Variants in LTBP4 observed in about 807,000 individuals in gnomAD.
LTBP4 encodes latent-transforming growth factor beta-binding protein 4.
A neutral mutation model predicts 180.2 loss-of-function variants in LTBP4; 93 were observed. The ratio of observed to expected loss-of-function variants is 0.52; its 90% CI spans 0.44 to 0.61. LTBP4 has a LOEUF of 0.61. Among genes scored for constraint, LTBP4 ranks in the 20% least tolerant of loss-of-function variants. The probability of loss-of-function intolerance (pLI) is 0.00; values close to 1 mark genes in which losing one functional copy is unlikely to be tolerated. For synonymous variants in LTBP4, 947 were observed against 934.5 expected, an observed-to-expected ratio of 1.01 and a Z score of -0.24; for missense variants, 2,116 against 2,256.5, an observed-to-expected ratio of 0.94 and a Z score of 1.26.
intron 1 of LTBP4, 84 bp downstream of exon 1, chr19:40,601,721 G>C (rs1317776915): frequency 1.9e-6 from 2 of 1,067,458 alleles, no homozygotes; most frequent in Non-Finnish European, 2.5e-6. Context: ...CCTCCAGGGA[G>C]AGGGAGCCCA....
chr19:40,607,279 C>CCCAAACAA, intron 6 of LTBP4, 86 bp from the exon 7 acceptor site: 2 of 1,126,368 alleles, frequency 1.8e-6, no homozygotes. Context: ...CCCCCAACCC[C>CCCAAACAA]AGAACCATTC....
At chr19:40,619,255 CATT>C in intron 21 of LTBP4, 89 bp from the exon 22 acceptor site, 1 of 1,297,216 alleles carries the variant, frequency 7.7e-7, no homozygotes. Flanking sequence ...TAAATATACA[CATT>C]ATATTTGAAA....
chr19:40,603,902 T>C (rs780302447), intron 1 of LTBP4, among the ~76,000 whole-genome samples: 1 of 152,180 alleles, frequency 6.6e-6, no homozygotes, highest in Non-Finnish European at 1.5e-5. Flanking sequence ...CCTCTCTCTT[T>C]GTTTACCCCG....
rs758082743 is a variant in LTBP4, at chr19:40,624,005, A to C, written c.3755A>C (p.Tyr1252Ser). The C allele has an allele frequency of 6.2e-7, 1 of 1,612,624 alleles. No homozygotes were observed. The highest frequency in any genetic ancestry group is 8.5e-7 in the Non-Finnish European group (1 of 1,179,354). ...GGRCVNTVGS[Y>S]HCTCEPPLVL... Reference sequence around the variant, plus strand: ...CGCTGTGTCAACACTGTGGGCTCTTATCACTGTACCTGCGAGCCCCCACTG... The same window carrying C: ...CGCTGTGTCAACACTGTGGGCTCTTCTCACTGTACCTGCGAGCCCCCACTG... Residue 1252 changes from tyrosine (Y) to serine (S), a missense_variant, in exon 26 of 30, where the codon TAT (tyrosine) becomes TCT (serine). Physicochemically the swap from Tyr to Ser is moderately radical, Grantham distance 144. This residue lies in a region of LTBP4 where 488 missense variants were observed against 458.8 expected (regional missense o/e 1.06). Transcript: ENST00000396819.
chr19:40,627,455 G>A, intron 28 of LTBP4, 100 bp downstream of exon 28: 1 of 1,393,110 alleles, frequency 7.2e-7, no homozygotes, highest in Non-Finnish European at 9.4e-7. Context: ...ACGGAACACA[G>A]GTGCAACTGG....
chr19:40,598,146 C>T (rs1043269975), upstream of LTBP4, among the ~76,000 whole-genome samples: 18 of 151,254 alleles, frequency 1.2e-4, no homozygotes, highest in Admixed American at 5.9e-4. Flanking sequence ...CGGCCCAGCG[C>T]TCCGTTACAA....
In LTBP4 at chr19:40,611,328, G is replaced by A. The variant is rs974982373; in HGVS notation, c.1987G>A (p.Ala663Thr). Reference sequence around the variant, plus strand: ...TGGGCCCGGCCGCTGTGACAACACGGCAGGCTCCTTTCACTGTGCCTGCCC... The same window carrying A: ...TGGGCCCGGCCGCTGTGACAACACGACAGGCTCCTTTCACTGTGCCTGCCC... ...PCGPGRCDNTAGSFHCACPAG... is the reference protein window; with the variant it reads ...PCGPGRCDNTTGSFHCACPAG... The change falls in exon 13 of 30, where the codon GCA (alanine) becomes ACA (threonine). Residue 663 changes from alanine (A) to threonine (T), a missense_variant. By Grantham distance (58) the Ala-to-Thr change is moderately conservative (BLOSUM62 0). Around this residue, in one of 5 missense-constraint regions of LTBP4, gnomAD observed 877 missense variants for 873.6 expected, o/e 1.00. Transcript: ENST00000396819. This position sits in a 1 kb window ranked among gnomAD's most constrained non-coding sequence, Gnocchi z 4.4. 2 of 1,611,908 alleles carry A rather than the reference G, an allele frequency of 1.2e-6. No individual in the cohort carries two copies. The highest frequency in any genetic ancestry group is 8.5e-7 in the Non-Finnish European group (1 of 1,179,582).
rs1213927843 is a variant in LTBP4, at chr19:40,607,414, C to G, written c.1041C>G (p.Arg347=). Residue 347 remains arginine, a synonymous_variant, in exon 7 of 30, where the codon CGC becomes CGG. Transcript: ENST00000396819. Reference sequence around the variant, plus strand: ...AAGGGCCCTGCTTCCGCGTGCTCCGCGACGGCGGCTGTTCGCTGCCCATTC... The same window carrying G: ...AAGGGCCCTGCTTCCGCGTGCTCCGGGACGGCGGCTGTTCGCTGCCCATTC... ...EAKGPCFRVL[R]DGGCSLPILR... is the part of the protein sequence containing the mutation. 4.3e-6 allele frequency: 7 copies of G among 1,613,014 alleles called. No individual in the cohort carries two copies. The African/African-American group carries it at 8.0e-5, about 18-fold the overall frequency.
At chr19:40,610,740 T>C (rs2081500050) in intron 12 of LTBP4, 83 bp downstream of exon 12, 2 of 1,486,970 alleles carry the variant, frequency 1.3e-6, no homozygotes, top group Non-Finnish European at 1.8e-6. Flanking sequence ...GACTGAACAA[T>C]AGGGCAAAGC....
At position 40,612,100 on chromosome 19, in the gene LTBP4, C is replaced by A. The variant is rs1209430509; in HGVS notation, c.2207C>A (p.Ala736Glu). ...EDVDECENHL[A>E]CPGQECVNSP... ...GTGGATGAGTGTGAGAACCACCTCG[C>A]ATGCCCTGGGCAGGAGTGTGTGAAC... is the stretch of plus-strand genomic sequence containing the variant. The change falls in exon 15 of 30, where the codon GCA becomes GAA. Residue 736 changes from alanine to glutamate, a missense_variant. Physicochemically the swap from Ala to Glu is moderately radical, Grantham distance 107 (BLOSUM62 -1). This residue lies in a region of LTBP4 where 877 missense variants were observed against 873.6 expected (regional missense o/e 1.00). Coordinates refer to ENST00000396819, the MANE Select transcript of LTBP4 (RefSeq NM_001042545.2). 6.2e-7 allele frequency: 1 copy of A among 1,613,712 alleles called. No homozygotes were observed. Among genetic ancestry groups the A allele is most frequent in the Non-Finnish European group, 8.5e-7 (1 of 1,179,788 alleles).
chr19:40,600,671 A>G (rs1046412657), upstream of LTBP4, among the ~76,000 whole-genome samples: 6 of 152,018 alleles, frequency 3.9e-5, no homozygotes, highest in African/African-American at 1.2e-4. The surrounding 1 kb of genome is among the most constrained non-coding windows in gnomAD (Gnocchi z 4.4). Context: ...CTCTTGCTGT[A>G]GCCTTCAGCC....
At position 40,623,490 on chromosome 19, in the gene LTBP4, C is replaced by G. The variant is rs77842671; in HGVS notation, c.3557-114C>G. 1,365 of 1,332,200 alleles carry G rather than the reference C, an allele frequency of 1.0e-3. 5 individuals are homozygous for G. In the African/African-American group the frequency reaches 0.018, roughly 18 times the overall value. The allele number at this position is 1,332,200 out of a possible 1,614,324, so 82.5% of individuals were successfully genotyped here. A position where few individuals can be genotyped will look rare whatever the true frequency, so the allele number is the denominator to read the frequency against. On this transcript the variant is annotated intron_variant, in intron 24 of 29. Transcript: ENST00000396819. Reference sequence around the variant, plus strand: ...GCTCCTGGCCTCTCCATCTTTCTTTCCCTGTCTCTACTTCTTGGTCTATCA... The same window carrying G: ...GCTCCTGGCCTCTCCATCTTTCTTTGCCTGTCTCTACTTCTTGGTCTATCA...
At position 40,610,525 on chromosome 19, in the gene LTBP4, C is replaced by A; in HGVS notation, c.1685-7C>A. On this transcript the variant is annotated splice_region_variant and splice_polypyrimidine_tract_variant and intron_variant, in intron 11 of 29. Transcript: ENST00000396819. ...CCCAGTCCCAGCCGCCTGGTCTGTG[C>A]CTACAGATGTGGACGAGTGCCACCG... 1.9e-6 allele frequency: 3 copies of A among 1,591,146 alleles called. No homozygotes were observed. Among genetic ancestry groups the A allele is most frequent in the Non-Finnish European group, 2.6e-6 (3 of 1,174,054 alleles).
upstream of LTBP4, among the ~76,000 whole-genome samples, chr19:40,597,925 G>A (rs1285380089): frequency 1.3e-4 from 20 of 151,758 alleles, no homozygotes; most frequent in South Asian, 2.1e-4. Context: ...GTGGGGTCGG[G>A]TGGGGGAGTC....
At chr19:40,597,464 C>G, upstream of LTBP4, 1 of 1,356,116 alleles carries the variant, frequency 7.4e-7, no homozygotes, top group Non-Finnish European at 9.6e-7. Flanking sequence ...TCAGGGGAAA[C>G]TCGAACCCAC....
At position 40,622,848 on chromosome 19, in the gene LTBP4, C is replaced by A; in HGVS notation, c.3485-102C>A. 7.1e-7 allele frequency: 1 copy of A among 1,407,598 alleles called. No individual in the cohort carries two copies. Among genetic ancestry groups the A allele is most frequent in the Non-Finnish European group, 9.7e-7 (1 of 1,029,578 alleles). 87.2% of individuals were successfully genotyped at this position (1,407,598 alleles called of 1,614,324 possible). ...CATAAGGCTGAGAGGTGGGCACTAA[C>A]AGGCACAGGGCCAGAGGGACTTTTG... On this transcript the variant is annotated intron_variant, in intron 23 of 29. Coordinates refer to ENST00000396819, the MANE Select transcript of LTBP4 (RefSeq NM_001042545.2). This position sits in a 1 kb window ranked among gnomAD's most constrained non-coding sequence, Gnocchi z 5.1.
At chr19:40,610,958 C>A in intron 12 of LTBP4, 194 bp from the exon 13 acceptor site, 1 of 794,806 alleles carries the variant, frequency 1.3e-6, no homozygotes, top group Non-Finnish European at 1.9e-6. Flanking sequence ...GAGGCCTTCT[C>A]ATGGGGACTA....
At chr19:40,608,393 G>A (rs2081479278) in intron 8 of LTBP4, 24 bp downstream of exon 8, 1 of 1,609,180 alleles carries the variant, frequency 6.2e-7, no homozygotes, top group African/African-American at 1.3e-5. Flanking sequence ...GGCAGAAGTG[G>A]GTGCCATCTT....
upstream of LTBP4, among the ~76,000 whole-genome samples, chr19:40,601,191 G>A (rs543147332): frequency 1.2e-3 from 183 of 152,056 alleles, no homozygotes; most frequent in Non-Finnish European, 2.3e-3. Flanking sequence ...ACCCCTGCGA[G>A]TCTAGCGCCC....
Sources: allele counts gnomAD v4.1 joint callset (sites outside exome capture counted in the v4.1 genomes callset), GRCh38; gene constraint gnomAD v4.1.1; regional missense constraint gnomAD v4.1.1; non-coding constraint Gnocchi (gnomAD v3.1); transcripts MANE v1.5; gene names NCBI Gene and HGNC (gene_info 2026-07-23, HGNC 2026-07-21).